The following HCRTR2 variants were observed in gnomAD, a reference collection of about 807,000 sequenced individuals.
HCRTR2 encodes the protein orexin receptor type 2.
In HCRTR2, 22 loss-of-function variants were observed where a neutral mutation model predicts 49.0. That is an observed-to-expected ratio of 0.45 (90% confidence interval 0.32 to 0.64). HCRTR2 has a LOEUF of 0.64. HCRTR2 is among the 30% of genes least tolerant of loss of function. HCRTR2 has a pLI of 0.04. For synonymous variants in HCRTR2, 236 were observed against 205.3 expected (o/e 1.15, Z -1.28); for missense variants, 491 against 559.4 (o/e 0.88, Z 1.23).
At chr6:55,135,645 T>C (rs1328457874) in intron 1 of HCRTR2, among the ~76,000 whole-genome samples, 9 of 152,142 alleles carry the variant, frequency 5.9e-5, no homozygotes, top group Admixed American at 1.3e-4. Flanking sequence ...TATATCTTGA[T>C]CCCCTTTCTA....
rs1399914728 is a variant in HCRTR2 at position 55,275,915 on chromosome 6, G to T, written c.763-1465G>T. On this transcript the variant is annotated intron_variant, in intron 4 of 6. Transcript: ENST00000370862. Reference sequence around the variant, plus strand: ...AGAATGTAGATTCTCTCCTTCAGGGGAACAGTCAGTGATAGAATCACTAAA... The same window carrying T: ...AGAATGTAGATTCTCTCCTTCAGGGTAACAGTCAGTGATAGAATCACTAAA... Among the ~76,000 whole-genome samples the T allele has an allele frequency of 3.9e-5, 6 of 152,102 alleles. No homozygotes were observed. The East Asian group carries it at 7.8e-4, about 20-fold the overall frequency.
Position 55,282,495 on chromosome 6 carries a change from C to T in HCRTR2, c.*41C>T, listed in dbSNP as rs531316447. The T allele has an allele frequency of 2.6e-5, 28 of 1,096,246 alleles. No homozygotes were observed. In the East Asian group the frequency reaches 7.0e-4, roughly 27 times the overall value. 67.9% of individuals were successfully genotyped at this position (1,096,246 alleles called of 1,614,324 possible). A position where few individuals can be genotyped will look rare whatever the true frequency, so the allele number is the denominator to read the frequency against. ...GACAAGGATACCTGAGTAAAACTAT[C>T]CTTTTTAAAATCACTGGGAACAGAA... is the stretch of plus-strand genomic sequence containing the variant. On this transcript the variant is annotated 3_prime_UTR_variant, in exon 7 of 7. Coordinates refer to ENST00000370862, the MANE Select transcript of HCRTR2 (RefSeq NM_001384272.1).
chr6:55,133,441 A>C (rs2127248278), intron 1 of HCRTR2, among the ~76,000 whole-genome samples: 1 of 151,770 alleles, frequency 6.6e-6, no homozygotes, highest in Admixed American at 6.6e-5. Flanking sequence ...AGGGGTATGC[A>C]TCAAGTTAGG....
chr6:55,275,818 C>T (rs919011344), intron 4 of HCRTR2, among the ~76,000 whole-genome samples: 7 of 152,014 alleles, frequency 4.6e-5, no homozygotes, highest in Non-Finnish European at 1.0e-4. Flanking sequence ...TCATGTTGGT[C>T]AGGCTGGTCA....
At chr6:55,154,677 AAAAT>A (rs905988626) in intron 1 of HCRTR2, among the ~76,000 whole-genome samples, 5 of 148,824 alleles carry the variant, frequency 3.4e-5, no homozygotes, top group Admixed American at 6.8e-5. Context: ...CAATTGGGCA[AAAAT>A]AAATAAATAA....
chr6:55,161,388 T>C (rs977594801), intron 1 of HCRTR2, among the ~76,000 whole-genome samples: 3 of 150,774 alleles, frequency 2.0e-5, no homozygotes, highest in African/African-American at 7.3e-5. Flanking sequence ...GTGGGAAAGA[T>C]CTAAAATCAA....
At chr6:55,133,770 A>C (rs1285009298) in intron 1 of HCRTR2, among the ~76,000 whole-genome samples, 1 of 151,806 alleles carries the variant, frequency 6.6e-6, no homozygotes, top group Non-Finnish European at 1.5e-5. Flanking sequence ...TTTTTATATT[A>C]GGAATAAATC....
At chr6:55,123,255 G>A (rs1764226934) in intron 1 of HCRTR2, among the ~76,000 whole-genome samples, 4 of 152,036 alleles carry the variant, frequency 2.6e-5, no homozygotes, top group Admixed American at 2.6e-4. Flanking sequence ...TATGATATTA[G>A]CTGTAGGTTT....
At chr6:55,283,678 G>A (rs1767236353), downstream of HCRTR2, among the ~76,000 whole-genome samples, 1 of 152,154 alleles carries the variant, frequency 6.6e-6, no homozygotes, top group African/African-American at 2.4e-5. Flanking sequence ...AGTAAAAGAA[G>A]TGTTTATGAA....
intron 1 of HCRTR2, among the ~76,000 whole-genome samples, chr6:55,215,045 A>G (rs1034138319): frequency 2.0e-5 from 3 of 152,196 alleles, no homozygotes; most frequent in Non-Finnish European, 4.4e-5. Context: ...AAACCTCCCA[A>G]TTATGAAAGA....
chr6:55,217,255 C>G (rs1450989511), intron 1 of HCRTR2, among the ~76,000 whole-genome samples: 3 of 152,138 alleles, frequency 2.0e-5, no homozygotes, highest in Admixed American at 1.3e-4. Flanking sequence ...TCCTCATTGT[C>G]TTAATGAATA....
intron 1 of HCRTR2, among the ~76,000 whole-genome samples, chr6:55,177,705 A>G (rs1365730143): frequency 6.6e-6 from 1 of 152,120 alleles, no homozygotes; most frequent in African/African-American, 2.4e-5. Context: ...TCATGAAGTG[A>G]TGTAATAGGA....
chr6:55,138,632 A>G (rs1344341616), intron 1 of HCRTR2, among the ~76,000 whole-genome samples: 1 of 152,192 alleles, frequency 6.6e-6, no homozygotes. Flanking sequence ...CCTCACCTTT[A>G]CATTTTATTT....
rs143266158 is a variant in HCRTR2 at position 55,212,144 on chromosome 6, T to C, written c.224-36495T>C. On this transcript the variant is annotated intron_variant, in intron 1 of 6. Transcript: ENST00000370862. Reference sequence around the variant, plus strand: ...TCATGAACAAATTCCTGTGCGAAGATTGAGAATGAAAGATGAATAAGAGGT... The same window carrying C: ...TCATGAACAAATTCCTGTGCGAAGACTGAGAATGAAAGATGAATAAGAGGT... 4.5e-3 allele frequency among the ~76,000 whole-genome samples: 684 copies of C among 152,286 alleles called. 2 individuals are homozygous for C. The highest frequency in any genetic ancestry group is 0.015 in the African/African-American group (627 of 41,568).
chr6:55,263,812 G>A lies in HCRTR2; in HGVS notation c.752G>A (p.Trp251Ter). The A allele has an allele frequency of 1.3e-6, 2 of 1,587,464 alleles. No individual in the cohort carries two copies. The highest frequency in any genetic ancestry group is 1.7e-6 in the Non-Finnish European group (2 of 1,156,328). The change falls in exon 4 of 7, where the codon TGG becomes TAG. Residue 251 changes from tryptophan (W) to a stop codon, truncating the protein, a stop_gained. Transcript: ENST00000370862. LOFTEE classifies it high-confidence loss of function. ...TATCTGCAAATATTTCGCAAACTCTGGTGTCGACAGGTATATAGTTTCAAA... is the reference window on the plus strand; with the variant it reads ...TATCTGCAAATATTTCGCAAACTCTAGTGTCGACAGGTATATAGTTTCAAA... ...LAYLQIFRKL[W>*]CRQIPGTSSV...
intron 1 of HCRTR2, among the ~76,000 whole-genome samples, chr6:55,119,296 C>T (rs138821388): frequency 4.6e-5 from 7 of 152,020 alleles, no homozygotes; most frequent in Admixed American, 2.0e-4. Context: ...GGTATATACC[C>T]GCTAATGGGA....
intron 1 of HCRTR2, among the ~76,000 whole-genome samples, chr6:55,185,095 G>T (rs572173416): frequency 6.6e-6 from 1 of 152,086 alleles, no homozygotes; most frequent in African/African-American, 2.4e-5. Context: ...ATATTAAACC[G>T]AATCAACTTT....
At chr6:55,177,737 A>G (rs890000476) in intron 1 of HCRTR2, among the ~76,000 whole-genome samples, 2 of 152,122 alleles carry the variant, frequency 1.3e-5, no homozygotes, top group Admixed American at 1.3e-4. Context: ...TAGCATAACA[A>G]AGTCTTGATT....
At chr6:55,162,121 T>A (rs1463208821) in intron 1 of HCRTR2, among the ~76,000 whole-genome samples, 1 of 151,994 alleles carries the variant, frequency 6.6e-6, no homozygotes, top group Non-Finnish European at 1.5e-5. Context: ...CAGCAGCACA[T>A]CAAAAAGCTT....
Sources: allele counts gnomAD v4.1 joint callset (sites outside exome capture counted in the v4.1 genomes callset), GRCh38; gene constraint gnomAD v4.1.1; transcripts MANE v1.5; gene names NCBI Gene and HGNC (gene_info 2026-07-23, HGNC 2026-07-21).